STK31: variants seen among roughly 807,000 people sequenced by gnomAD.
STK31 encodes the protein serine/threonine-protein kinase 31.
Under a neutral mutation model 129.7 loss-of-function variants are expected in STK31, and 89 were observed. That is an observed-to-expected ratio of 0.69 (90% confidence interval 0.58 to 0.82). The LOEUF is 0.82. STK31 is among the 40% of genes least tolerant of loss of function. The pLI is 0.00. For synonymous variants in STK31, 448 were observed against 395.3 expected (o/e 1.13, Z -1.58); for missense variants, 1,187 against 1,176.4 (o/e 1.01, Z -0.13).
At chr7:23,740,302 T>C (rs902262419) in intron 8 of STK31, among the ~76,000 whole-genome samples, 3 of 152,214 alleles carry the variant, frequency 2.0e-5, no homozygotes, top group Non-Finnish European at 2.9e-5. Flanking sequence ...TTTTTTCTTT[T>C]TGATGCACAC....
At chr7:23,758,269 T>C (rs1161014430) in intron 10 of STK31, among the ~76,000 whole-genome samples, 2 of 152,208 alleles carry the variant, frequency 1.3e-5, no homozygotes, top group African/African-American at 2.4e-5. Context: ...GAGGTGTTTA[T>C]AGTATTCTGT....
At chr7:23,742,366 C>CT (rs1483832235) in intron 8 of STK31, among the ~76,000 whole-genome samples, 1 of 152,184 alleles carries the variant, frequency 6.6e-6, no homozygotes, top group Non-Finnish European at 1.5e-5. Context: ...TCTCCCTCTC[C>CT]TTTTTTGGAG....
intron 4 of STK31, chr7:23,721,243 TAACA>T: frequency 2.1e-6 from 1 of 476,520 alleles, no homozygotes; most frequent in Non-Finnish European, 3.8e-6. Flanking sequence ...TCTTAACTCC[TAACA>T]AACGCTACAT....
At chr7:23,735,502 GT>G in intron 6 of STK31, 35 bp from the exon 7 acceptor site, 1 of 1,502,650 alleles carries the variant, frequency 6.7e-7, no homozygotes, top group South Asian at 1.3e-5. Flanking sequence ...AGAGAAACAT[GT>G]TGGTGTAGCT....
intron 15 of STK31, among the ~76,000 whole-genome samples, chr7:23,773,827 G>A (rs1234474341): frequency 1.3e-5 from 2 of 151,560 alleles, no homozygotes; most frequent in African/African-American, 4.9e-5. Flanking sequence ...TGTGCACAAC[G>A]TGCAGGTTTA....
At chr7:23,756,333 T>A (rs1468829752) in intron 10 of STK31, among the ~76,000 whole-genome samples, 1 of 152,204 alleles carries the variant, frequency 6.6e-6, no homozygotes, top group Middle Eastern at 3.2e-3. Context: ...TTGTGATTTT[T>A]GCACATTTAT....
At chr7:23,772,485 A>G (rs1790263094) in intron 15 of STK31, among the ~76,000 whole-genome samples, 2 of 152,148 alleles carry the variant, frequency 1.3e-5, no homozygotes, top group Admixed American at 1.3e-4. Context: ...ATATCATTAA[A>G]TATTCTTTAA....
chr7:23,759,303 C>G (rs533427514), intron 10 of STK31, among the ~76,000 whole-genome samples: 1 of 152,214 alleles, frequency 6.6e-6, no homozygotes, highest in Non-Finnish European at 1.5e-5. Context: ...GCAGAACTCT[C>G]TACCCCAAAT....
intron 8 of STK31, among the ~76,000 whole-genome samples, chr7:23,742,092 G>A (rs1270752261): frequency 6.6e-6 from 1 of 152,176 alleles, no homozygotes; most frequent in Non-Finnish European, 1.5e-5. Flanking sequence ...GATATGTGTG[G>A]GGTAGCCTGG....
At chr7:23,796,224 T>C (rs895485297) in intron 22 of STK31, among the ~76,000 whole-genome samples, 1 of 152,224 alleles carries the variant, frequency 6.6e-6, no homozygotes, top group Non-Finnish European at 1.5e-5. Flanking sequence ...TTTAGCCCTA[T>C]GCCTGCATGT....
intron 22 of STK31, among the ~76,000 whole-genome samples, chr7:23,798,300 A>G (rs1792128957): frequency 6.6e-6 from 1 of 152,172 alleles, no homozygotes; most frequent in African/African-American, 2.4e-5. Flanking sequence ...ACAACAAAAA[A>G]AGAAAATTTC....
intron 10 of STK31, among the ~76,000 whole-genome samples, chr7:23,757,864 C>G (rs1789198548): frequency 1.3e-5 from 2 of 152,152 alleles, no homozygotes; most frequent in African/African-American, 4.8e-5. Context: ...CTTTCCTAGG[C>G]AGAGGTCCCT....
chr7:23,743,809 T>C (rs553530851), intron 8 of STK31, among the ~76,000 whole-genome samples: 1 of 152,190 alleles, frequency 6.6e-6, no homozygotes, highest in African/African-American at 2.4e-5. Flanking sequence ...TCTTGTAGGC[T>C]TTTTTCATTC....
rs377643324 is a variant in STK31 at position 23,712,274 on chromosome 7, A to G, written c.138A>G (p.Thr46=). ...VVGSHIEDAV[T]FWAQSINRNK... ...GAAGTCACATAGAAGATGCAGTAACATTTTGGGCCCAGGTAAATAGCAAAC... is the reference window on the plus strand; with the variant it reads ...GAAGTCACATAGAAGATGCAGTAACGTTTTGGGCCCAGGTAAATAGCAAAC... The change falls in exon 3 of 24, where the codon ACA becomes ACG. Residue 46 remains threonine, a synonymous_variant. Transcript: ENST00000355870. The G allele has an allele frequency of 5.6e-5, 90 of 1,613,962 alleles. 2 individuals carry two copies. Among genetic ancestry groups the G allele is most frequent in the South Asian group, 8.8e-5 (8 of 91,080 alleles).
At chr7:23,726,683 A>G (rs1025154824) in intron 4 of STK31, among the ~76,000 whole-genome samples, 3 of 152,004 alleles carry the variant, frequency 2.0e-5, no homozygotes, top group Non-Finnish European at 4.4e-5. Flanking sequence ...TTTATTAAAC[A>G]TCATTCAATT....
At chr7:23,787,031 C>T in intron 20 of STK31, 107 bp downstream of exon 20, 2 of 1,078,546 alleles carry the variant, frequency 1.9e-6, no homozygotes, top group South Asian at 1.4e-5. Context: ...AATTTTGACT[C>T]ATGGTATTCT....
intron 23 of STK31, among the ~76,000 whole-genome samples, chr7:23,829,814 A>G (rs1231679277): frequency 1.3e-5 from 2 of 152,208 alleles, no homozygotes; most frequent in Non-Finnish European, 2.9e-5. Flanking sequence ...GTTACTTGTT[A>G]CTGGTCTGTT....
chr7:23,729,377 A>T (rs575469365), intron 6 of STK31, 128 bp downstream of exon 6: 5 of 828,386 alleles, frequency 6.0e-6, no homozygotes, highest in Non-Finnish European at 8.7e-6. Flanking sequence ...TAGGAATTAT[A>T]ATTAGAAAGC....
intron 23 of STK31, among the ~76,000 whole-genome samples, chr7:23,830,919 C>A (rs10242844): frequency 0.28 from 42,318 of 151,982 alleles, 6,726 homozygotes; most frequent in African/African-American, 0.44. Context: ...CGTGCCTGGC[C>A]AATTTCCATG....
Sources: allele counts gnomAD v4.1 joint callset (sites outside exome capture counted in the v4.1 genomes callset), GRCh38; gene constraint gnomAD v4.1.1; transcripts MANE v1.5; gene names NCBI Gene and HGNC (gene_info 2026-07-23, HGNC 2026-07-21).